The following STRN3 variants were observed in gnomAD, a reference collection of about 807,000 sequenced individuals.
STRN3 encodes striatin-3.
Under a neutral mutation model 95.6 loss-of-function variants are expected in STRN3, and 29 were observed. The observed-to-expected ratio is 0.30, with a 90% CI of 0.23 to 0.41. The LOEUF is 0.41. Ranked by LOEUF, STRN3 falls within the 10% of genes least tolerant of loss-of-function variation. STRN3 has a pLI of 1.00. For missense variants in STRN3, 890 were observed against 972.1 expected (o/e 0.92, Z 1.12); for synonymous variants, 331 against 357.6 (o/e 0.93, Z 0.84).
intron 1 of STRN3, among the ~76,000 whole-genome samples, chr14:30,988,796 A>G (rs1473435798): frequency 6.6e-6 from 1 of 152,232 alleles, no homozygotes; most frequent in African/African-American, 2.4e-5. Flanking sequence ...AACATGCAAC[A>G]TTCCTCAAAA....
chr14:30,992,847 TA>T (rs1175899877), intron 1 of STRN3, among the ~76,000 whole-genome samples: 1 of 151,344 alleles, frequency 6.6e-6, no homozygotes, highest in African/African-American at 2.4e-5. Flanking sequence ...CCCTTATTTC[TA>T]AAAACAAACA....
intron 1 of STRN3, among the ~76,000 whole-genome samples, chr14:30,962,039 T>C (rs1880233547): frequency 6.6e-6 from 1 of 152,238 alleles, no homozygotes; most frequent in African/African-American, 2.4e-5. Context: ...CCATGTGTGT[T>C]ACTGCCCTTG....
At chr14:31,000,235 T>C (rs557999071) in intron 1 of STRN3, among the ~76,000 whole-genome samples, 2 of 107,204 alleles carry the variant, frequency 1.9e-5, no homozygotes, top group East Asian at 6.3e-4. Context: ...CAAAAGATAG[T>C]ATAAACGTAT....
At chr14:31,024,324 CCTTA>C (rs141496617) in intron 1 of STRN3, among the ~76,000 whole-genome samples, 12,996 of 152,100 alleles carry the variant, frequency 0.085, 873 homozygotes, top group East Asian at 0.21. Context: ...AAAACAAATG[CCTTA>C]CTTACTTTAC....
At chr14:30,971,372 T>G (rs546029509) in intron 1 of STRN3, among the ~76,000 whole-genome samples, 1 of 152,280 alleles carries the variant, frequency 6.6e-6, no homozygotes, top group African/African-American at 2.4e-5. Context: ...TTAGACACAA[T>G]TAAAGTCCCA....
At chr14:30,913,374 A>G in intron 10 of STRN3, 150 bp downstream of exon 10, 1 of 934,236 alleles carries the variant, frequency 1.1e-6, no homozygotes, top group South Asian at 2.8e-5. Flanking sequence ...GAGTAGTTAT[A>G]AAAGAAAAAC....
intron 1 of STRN3, among the ~76,000 whole-genome samples, chr14:30,995,448 GTTC>G (rs904182877): frequency 5.3e-5 from 8 of 152,050 alleles, no homozygotes; most frequent in African/African-American, 1.9e-4. Flanking sequence ...CCTCTCTCTT[GTTC>G]TTAGCTTCCT....
At chr14:30,951,244 C>T (rs1054011802) in intron 3 of STRN3, among the ~76,000 whole-genome samples, 1 of 150,858 alleles carries the variant, frequency 6.6e-6, no homozygotes. Context: ...GATTTTTTCT[C>T]TTTTTTTTTG....
chr14:30,937,120 C>A (rs754198300), intron 5 of STRN3, among the ~76,000 whole-genome samples: 2 of 151,934 alleles, frequency 1.3e-5, no homozygotes, highest in Admixed American at 1.3e-4. Context: ...TAGAGTTCAA[C>A]ACCATCCTGG....
intron 8 of STRN3, among the ~76,000 whole-genome samples, chr14:30,924,842 C>G (rs1896981919): frequency 6.6e-6 from 1 of 152,080 alleles, no homozygotes; most frequent in Admixed American, 6.5e-5. Flanking sequence ...GAGTGACAGC[C>G]TGTCTCAAAA....
intron 1 of STRN3, among the ~76,000 whole-genome samples, chr14:30,963,581 G>C (rs1448301644): frequency 1.3e-5 from 2 of 152,060 alleles, no homozygotes; most frequent in Non-Finnish European, 2.9e-5. Flanking sequence ...GCTAATTTTT[G>C]TATTTTTTGG....
Position 30,980,251 on chromosome 14 carries a change from G to A in STRN3, c.283-24009C>T, listed in dbSNP as rs1396708094. 6.6e-5 allele frequency among the ~76,000 whole-genome samples: 10 copies of A among 151,996 alleles called. No homozygotes were observed. The East Asian group carries it at 1.6e-3, about 24-fold the overall frequency. On this transcript the variant is annotated intron_variant, in intron 1 of 17. Coordinates refer to ENST00000357479, the MANE Select transcript of STRN3 (RefSeq NM_001083893.2). ...CAGAGCAAGACTCTGTATGGGGGCG[G>A]GGAGAATTATTTGATATTTGTTGAT...
chr14:30,998,497 TG>T (rs1882304923), intron 1 of STRN3, among the ~76,000 whole-genome samples: 1 of 152,202 alleles, frequency 6.6e-6, no homozygotes, highest in Admixed American at 6.5e-5. Flanking sequence ...CTCTCACCTC[TG>T]ACTAACATTA....
In STRN3 at chr14:30,902,638, G is replaced by A; in HGVS notation, c.2035C>T (p.Gln679Ter). ...ACTCTGTTGATATGATTATTAGATT[G>A]TAAACCTGAAAAATAAAGGAAGACA... ...ILSSQVDSGL[Q>*]SNNHINRVVS... Residue 679 changes from glutamine to a stop codon, truncating the protein, a stop_gained, in exon 16 of 18, where the codon CAA becomes TAA. Coordinates refer to ENST00000357479, the MANE Select transcript of STRN3 (RefSeq NM_001083893.2). LOFTEE classifies it high-confidence loss of function. 1 of 1,571,654 alleles carries A rather than the reference G, an allele frequency of 6.4e-7. No individual in the cohort carries two copies. Among genetic ancestry groups the A allele is most frequent in the Non-Finnish European group, 8.6e-7 (1 of 1,156,576 alleles).
intron 1 of STRN3, among the ~76,000 whole-genome samples, chr14:30,979,986 C>T (rs187137107): frequency 2.9e-4 from 28 of 95,828 alleles, no homozygotes; most frequent in Middle Eastern, 5.3e-3. Flanking sequence ...CGGTGGCTCA[C>T]GCCTGTAATC....
intron 1 of STRN3, among the ~76,000 whole-genome samples, chr14:31,020,772 A>T (rs1014783758): frequency 3.3e-5 from 5 of 152,136 alleles, no homozygotes; most frequent in African/African-American, 1.2e-4. Flanking sequence ...TTGGTGTGAT[A>T]GTCCATGTCT....
chr14:30,926,479 C>CT (rs950367667), intron 8 of STRN3, among the ~76,000 whole-genome samples: 9 of 151,932 alleles, frequency 5.9e-5, no homozygotes, highest in African/African-American at 2.2e-4. Context: ...TAAATAGTCT[C>CT]TGAGTGGTAG....
chr14:30,982,098 CAA>C (rs11451891), intron 1 of STRN3, among the ~76,000 whole-genome samples: 1 of 75,550 alleles, frequency 1.3e-5, no homozygotes, highest in African/African-American at 5.3e-5. Context: ...CTCTGTCTCA[CAA>C]AAAAAAAAAA....
At chr14:30,965,894 T>A (rs746445475) in intron 1 of STRN3, among the ~76,000 whole-genome samples, 6 of 152,142 alleles carry the variant, frequency 3.9e-5, no homozygotes, top group African/African-American at 1.4e-4. Flanking sequence ...TATGTCAGTA[T>A]GTTCCACTCT....
Sources: allele counts gnomAD v4.1 joint callset (sites outside exome capture counted in the v4.1 genomes callset), GRCh38; gene constraint gnomAD v4.1.1; transcripts MANE v1.5; gene names NCBI Gene and HGNC (gene_info 2026-07-23, HGNC 2026-07-21).